The following ROCK1 variants were observed in gnomAD, a reference collection of about 807,000 sequenced individuals.
ROCK1 encodes the protein Rho associated coiled-coil containing protein kinase 1, also known as rho-associated protein kinase 1.
A neutral mutation model predicts 196.8 loss-of-function variants in ROCK1; 36 were observed. The observed-to-expected ratio is 0.18, with a 90% CI of 0.14 to 0.24. The LOEUF is 0.24. ROCK1 is among the 10% of genes least tolerant of loss of function. The pLI is 1.00. For missense variants in ROCK1, 920 were observed against 1,562.0 expected (o/e 0.59, Z 6.93); for synonymous variants, 443 against 515.9 (o/e 0.86, Z 1.91).
intron 13 of ROCK1, among the ~76,000 whole-genome samples, chr18:21,014,470 A>G (rs932263858): frequency 6.6e-6 from 1 of 152,226 alleles, no homozygotes; most frequent in Non-Finnish European, 1.5e-5. Context: ...AAGTGAGACT[A>G]TTTTAATTTC....
chr18:21,054,954 C>T (rs2036234399), intron 2 of ROCK1, among the ~76,000 whole-genome samples: 2 of 152,130 alleles, frequency 1.3e-5, no homozygotes, highest in South Asian at 4.1e-4. Flanking sequence ...CTCCAACAAC[C>T]CCAACCCCAC....
intron 22 of ROCK1, among the ~76,000 whole-genome samples, chr18:20,970,892 TTAAC>T: frequency 6.6e-6 from 1 of 152,166 alleles, no homozygotes; most frequent in East Asian, 1.9e-4. Flanking sequence ...TGTTTTATCA[TTAAC>T]TAATTGAGTA....
chr18:21,006,370 C>G lies in ROCK1; in HGVS notation c.1866G>C (p.Glu622Asp). 6.2e-7 allele frequency: 1 copy of G among 1,612,558 alleles called. No individual in the cohort carries two copies. Among genetic ancestry groups the G allele is most frequent in the Non-Finnish European group, 8.5e-7 (1 of 1,179,806 alleles). ...AERRDRGHDS[E>D]MIGDLQARIT... is the part of the protein sequence containing the mutation. ...TATTACCTTGAAGGTCTCCAATCATCTCAGAATCATGACCTCTGTCTCTTC... is the reference window on the plus strand; with the variant it reads ...TATTACCTTGAAGGTCTCCAATCATGTCAGAATCATGACCTCTGTCTCTTC... Residue 622 changes from glutamate to aspartate, a missense_variant, in exon 16 of 33, where the codon GAG becomes GAC. Transcript: ENST00000399799.
intron 1 of ROCK1, among the ~76,000 whole-genome samples, chr18:21,079,479 G>A (rs2143567073): frequency 1.3e-5 from 2 of 152,286 alleles, no homozygotes; most frequent in African/African-American, 4.8e-5. Context: ...GTCTCCCTTT[G>A]TTTGCTTAAC....
chr18:21,034,302 T>C (rs1251009981), intron 9 of ROCK1, among the ~76,000 whole-genome samples: 2 of 152,162 alleles, frequency 1.3e-5, no homozygotes, highest in East Asian at 1.9e-4. Flanking sequence ...AAACCCATTA[T>C]AAAATTCATA....
chr18:21,037,058 T>C (rs866384634), intron 9 of ROCK1, among the ~76,000 whole-genome samples: 1 of 152,178 alleles, frequency 6.6e-6, no homozygotes, highest in African/African-American at 2.4e-5. Context: ...GAGACTTAGA[T>C]CTGAATTTTG....
chr18:21,086,194 C>T (rs2036525705), intron 1 of ROCK1, among the ~76,000 whole-genome samples: 2 of 150,800 alleles, frequency 1.3e-5, no homozygotes, highest in African/African-American at 4.9e-5. Flanking sequence ...TCACTGCAAC[C>T]TCCACCTCCC....
chr18:21,034,093 C>A (rs1386019772), intron 9 of ROCK1, among the ~76,000 whole-genome samples: 1 of 146,984 alleles, frequency 6.8e-6, no homozygotes, highest in Non-Finnish European at 1.5e-5. Flanking sequence ...ACAAATTTAA[C>A]CAAGGAGGTG....
chr18:21,043,577 T>TATATGTATATACATATACATA (rs1419852487), intron 6 of ROCK1, among the ~76,000 whole-genome samples: 5 of 144,384 alleles, frequency 3.5e-5, no homozygotes, highest in African/African-American at 5.2e-5. Flanking sequence ...ATACATAATG[T>TATATGTATATACATATACATA]ATATGTATAT....
intron 14 of ROCK1, 36 bp downstream of exon 14, chr18:21,008,023 A>G: frequency 1.3e-6 from 2 of 1,520,490 alleles, no homozygotes; most frequent in Non-Finnish European, 1.8e-6. Context: ...ACAGTGTTAG[A>G]AATTCTATCA....
chr18:21,094,593 A>G lies in ROCK1; in HGVS notation c.93+16225T>C, dbSNP rs1309117621. On this transcript the variant is annotated intron_variant, in intron 1 of 32. Transcript: ENST00000399799. Reference sequence around the variant, plus strand: ...TCTCTACAAAAAAAGAAAAAAAAATACAAACATTGGCCGGGCATGGTGGCA... The same window carrying G: ...TCTCTACAAAAAAAGAAAAAAAAATGCAAACATTGGCCGGGCATGGTGGCA... Among the ~76,000 whole-genome samples the G allele has an allele frequency of 2.2e-5, 3 of 134,302 alleles. No homozygotes were observed. The Admixed American group carries it at 2.2e-4, about 10-fold the overall frequency. The allele number at this position is 134,302 out of a possible 152,430, so 88.1% of individuals were successfully genotyped here.
intron 1 of ROCK1, among the ~76,000 whole-genome samples, chr18:21,090,167 G>T (rs1246893469): frequency 1.3e-5 from 2 of 152,168 alleles, no homozygotes; most frequent in African/African-American, 4.8e-5. Context: ...CTGGTTCCTT[G>T]AATTATGCAG....
At chr18:21,001,801 T>C (rs1598523725) in intron 16 of ROCK1, among the ~76,000 whole-genome samples, 1 of 149,594 alleles carries the variant, frequency 6.7e-6, no homozygotes, top group Non-Finnish European at 1.5e-5. Context: ...TGGGAGGCTA[T>C]GAGAAAAAAC....
chr18:20,969,219 C>T lies in ROCK1; in HGVS notation c.2821-11G>A. ...GTTTGCTTCTTCAAGCTAAACAAAG[C>T]ACACAAAAGTTTAAGCTCCAGCCTC... On this transcript the variant is annotated splice_polypyrimidine_tract_variant and intron_variant, in intron 23 of 32. Transcript: ENST00000399799. The T allele has an allele frequency of 6.4e-7, 1 of 1,556,750 alleles. No homozygotes were observed. The highest frequency in any genetic ancestry group is 1.1e-5 in the South Asian group (1 of 89,328).
At chr18:21,022,638 G>A (rs1043822776) in intron 11 of ROCK1, among the ~76,000 whole-genome samples, 2 of 152,096 alleles carry the variant, frequency 1.3e-5, no homozygotes, top group Non-Finnish European at 2.9e-5. Context: ...AATGCTCTAC[G>A]TTTTATATTC....
intron 1 of ROCK1, among the ~76,000 whole-genome samples, chr18:21,072,623 T>C (rs2036395147): frequency 6.6e-6 from 1 of 152,180 alleles, no homozygotes; most frequent in South Asian, 2.1e-4. Flanking sequence ...AATGTTAACA[T>C]AACATTCATC....
At chr18:21,020,372 T>C in intron 11 of ROCK1, 133 bp from the exon 12 acceptor site, 1 of 454,672 alleles carries the variant, frequency 2.2e-6, no homozygotes, top group Non-Finnish European at 3.8e-6. Flanking sequence ...TCTATCTCAA[T>C]TTTTTTATTA....
At chr18:20,981,756 A>C (rs1235928415) in intron 21 of ROCK1, among the ~76,000 whole-genome samples, 1 of 152,218 alleles carries the variant, frequency 6.6e-6, no homozygotes, top group East Asian at 1.9e-4. Flanking sequence ...GGGAATGCAA[A>C]TGAAAAAAGA....
In ROCK1 at chr18:21,042,103, G is replaced by A; in HGVS notation, c.953C>T (p.Thr318Ile). The change falls in exon 8 of 33, where the codon ACT becomes ATT. Residue 318 changes from threonine (T) to isoleucine (I), a missense_variant. By Grantham distance (89) the Thr-to-Ile change is moderately conservative (BLOSUM62 -1). Coordinates refer to ENST00000399799, the MANE Select transcript of ROCK1 (RefSeq NM_005406.3). ...CAGTTTTAAAATTATTTACCTGTCA[G>A]TAAGGAAGGCACAAATAAGGTTTTT... ...EAKNLICAFL[T>I]DREVRLGRNG... is the part of the protein sequence containing the mutation. 6.3e-7 allele frequency: 1 copy of A among 1,597,364 alleles called. No individual in the cohort carries two copies. Among genetic ancestry groups the A allele is most frequent in the Non-Finnish European group, 8.5e-7 (1 of 1,175,618 alleles).
Sources: allele counts gnomAD v4.1 joint callset (sites outside exome capture counted in the v4.1 genomes callset), GRCh38; gene constraint gnomAD v4.1.1; transcripts MANE v1.5; gene names NCBI Gene and HGNC (gene_info 2026-07-23, HGNC 2026-07-21).